Variants in OR2L13 observed in about 807,000 individuals in gnomAD.
The protein encoded by OR2L13 is olfactory receptor family 2 subfamily L member 13, also known as olfactory receptor 2L13.
Under a neutral mutation model 15.3 loss-of-function variants are expected in OR2L13, and 14 were observed. The observed-to-expected ratio is 0.91, with a 90% CI of 0.60 to 1.43. OR2L13 has a LOEUF of 1.43. Among genes scored for constraint, OR2L13 ranks in the 40% most tolerant of loss-of-function variants. The probability of loss-of-function intolerance (pLI) is 0.00; values close to 1 mark genes in which losing one functional copy is unlikely to be tolerated. For synonymous variants in OR2L13, 152 were observed against 142.9 expected, an observed-to-expected ratio of 1.06 and a Z score of -0.45; for missense variants, 367 against 387.9, an observed-to-expected ratio of 0.95 and a Z score of 0.45.
At chr1:247,991,707 C>T in the OR2L13 span, among the ~76,000 whole-genome samples, 7 of 149,766 alleles carry the variant, frequency 4.7e-5, no homozygotes, top group African/African-American at 1.7e-4. Flanking sequence ...AATTTTATTT[C>T]TACTTACTCT....
chr1:248,067,811 C>T, the OR2L13 span, among the ~76,000 whole-genome samples: 1 of 152,250 alleles, frequency 6.6e-6, no homozygotes, highest in African/African-American at 2.4e-5. Flanking sequence ...GCTTTTCCGA[C>T]GGGCTTAAAA....
the OR2L13 span, among the ~76,000 whole-genome samples, chr1:247,943,827 T>C: frequency 6.6e-6 from 1 of 152,190 alleles, no homozygotes; most frequent in East Asian, 1.9e-4. Flanking sequence ...CTCTTACATT[T>C]AGATTTTTGA....
chr1:247,940,920 T>A, the OR2L13 span, among the ~76,000 whole-genome samples: 10 of 152,278 alleles, frequency 6.6e-5, no homozygotes, highest in East Asian at 1.9e-3. Flanking sequence ...GTGCTTTTTT[T>A]TAAATTTTTT....
the OR2L13 span, among the ~76,000 whole-genome samples, chr1:247,981,968 A>C: frequency 6.6e-6 from 1 of 151,924 alleles, no homozygotes; most frequent in African/African-American, 2.4e-5. Context: ...GGCTCCCGCC[A>C]CCACGCCCGG....
chr1:248,026,621 G>T, the OR2L13 span, among the ~76,000 whole-genome samples: 5 of 152,236 alleles, frequency 3.3e-5, 1 homozygote, highest in East Asian at 5.8e-4. Flanking sequence ...TGGAGGGACC[G>T]GCTGAAGCCA....
At chr1:248,050,596 T>A in the OR2L13 span, among the ~76,000 whole-genome samples, 17 of 152,284 alleles carry the variant, frequency 1.1e-4, 1 homozygote, top group South Asian at 2.1e-3. Context: ...TGCCATTTAT[T>A]ATGCTGTTCT....
the OR2L13 span, chr1:248,023,130 T>G: frequency 7.3e-5 from 25 of 343,844 alleles, no homozygotes; most frequent in Admixed American, 1.0e-3. Flanking sequence ...GCCATAGAAT[T>G]TCATTATCAT....
the OR2L13 span, among the ~76,000 whole-genome samples, chr1:247,950,184 C>G: frequency 6.6e-6 from 1 of 151,956 alleles, no homozygotes; most frequent in African/African-American, 2.4e-5. Context: ...CCAAAAATCT[C>G]TTGACTTGGT....
At chr1:248,071,235 C>T in the OR2L13 span, among the ~76,000 whole-genome samples, 5 of 152,112 alleles carry the variant, frequency 3.3e-5, no homozygotes, top group African/African-American at 2.4e-5. Context: ...CAATAAAATA[C>T]TGGCAAACCG....
At chr1:247,986,387 G>C in the OR2L13 span, among the ~76,000 whole-genome samples, 91 of 152,242 alleles carry the variant, frequency 6.0e-4, no homozygotes, top group Non-Finnish European at 3.7e-4. Context: ...CCCATTGCTT[G>C]TTTTTGTCAG....
chr1:247,967,000 C>T, the OR2L13 span, among the ~76,000 whole-genome samples: 1 of 150,014 alleles, frequency 6.7e-6, no homozygotes, highest in African/African-American at 2.4e-5. Context: ...TGACTCTTTT[C>T]CTTCTGCACC....
At chr1:248,057,128 G>A in the OR2L13 span, among the ~76,000 whole-genome samples, 1 of 152,158 alleles carries the variant, frequency 6.6e-6, no homozygotes, top group African/African-American at 2.4e-5. Flanking sequence ...GTTTTGGGAA[G>A]GAGAGTTCTG....
the OR2L13 span, among the ~76,000 whole-genome samples, chr1:248,086,713 T>G: frequency 6.6e-6 from 1 of 152,090 alleles, no homozygotes; most frequent in African/African-American, 2.4e-5. Flanking sequence ...CAAATGCTGA[T>G]AAATATTTCT....
the OR2L13 span, among the ~76,000 whole-genome samples, chr1:248,001,337 T>C: frequency 6.6e-6 from 1 of 152,080 alleles, no homozygotes; most frequent in African/African-American, 2.4e-5. Flanking sequence ...TGAGACGTAG[T>C]TCAGGTTTAA....
the OR2L13 span, among the ~76,000 whole-genome samples, chr1:247,948,018 C>A: frequency 3.0e-3 from 461 of 152,156 alleles, 6 homozygotes; most frequent in African/African-American, 0.01. Flanking sequence ...GGTTCAAAAC[C>A]AGCCTGAGAA....
At chr1:248,018,278 T>A in the OR2L13 span, among the ~76,000 whole-genome samples, 1 of 152,202 alleles carries the variant, frequency 6.6e-6, no homozygotes, top group African/African-American at 2.4e-5. Flanking sequence ...TTTTCCTTTT[T>A]TAAAAATTAG....
chr1:248,061,474 C>A, the OR2L13 span: 8 of 1,613,966 alleles, frequency 5.0e-6, no homozygotes, highest in South Asian at 1.1e-5. Context: ...AAGATCCCTG[C>A]GATCTCCAAC....
At chr1:248,024,418 G>A in the OR2L13 span, 1 of 152,066 alleles carries the variant, frequency 6.6e-6, no homozygotes, top group South Asian at 2.1e-4. Flanking sequence ...TCTTTTCATT[G>A]TAAATAATAT....
In OR2L13 at chr1:248,099,221, TA is replaced by T. The variant is rs916530954; in HGVS notation, c.-18-129del. ...ATATGCTTCAGATATAGAAATTGAT[TA>T]AAAAAAACCTGCAGTGTTAGTGGAG... On this transcript the variant is annotated intron_variant, in intron 2 of 2. Coordinates refer to ENST00000641714, the Ensembl canonical transcript of OR2L13. 55 of 610,112 alleles carry T rather than the reference TA, an allele frequency of 9.0e-5. 1 individual carries two copies. In the Middle Eastern group the frequency reaches 3.9e-3, roughly 44 times the overall value. 37.8% of individuals were successfully genotyped at this position (610,112 alleles called of 1,614,324 possible).
Sources: allele counts gnomAD v4.1 joint callset (sites outside exome capture counted in the v4.1 genomes callset), GRCh38; gene constraint gnomAD v4.1.1; transcripts MANE v1.5; gene names NCBI Gene and HGNC (gene_info 2026-07-23, HGNC 2026-07-21).